Variants in NUP133 observed in about 807,000 individuals in gnomAD.
The protein encoded by NUP133 is nucleoporin 133, also known as nuclear pore complex protein Nup133.
NUP133 carries 66 observed loss-of-function variants against 146.2 expected under a neutral mutation model. The observed-to-expected ratio is 0.45, with a 90% CI of 0.37 to 0.55. The LOEUF (loss-of-function observed/expected upper bound fraction) is 0.55, where lower values mean the gene tolerates loss of function less well. Ranked by LOEUF, NUP133 falls within the 20% of genes least tolerant of loss-of-function variation. The pLI is 0.00. For missense variants in NUP133, 1,277 were observed against 1,374.8 expected (o/e 0.93, Z 1.12); for synonymous variants, 521 against 498.8 (o/e 1.04, Z -0.59).
chr1:229,445,204 C>T (rs1195193094), intron 24 of NUP133, among the ~76,000 whole-genome samples: 1 of 152,086 alleles, frequency 6.6e-6, no homozygotes, highest in Non-Finnish European at 1.5e-5. Flanking sequence ...TAAGACATTA[C>T]ACTCTAGGGA....
intron 24 of NUP133, 114 bp from the exon 25 acceptor site, chr1:229,445,116 G>A (rs982035829): frequency 1.3e-6 from 1 of 743,966 alleles, no homozygotes; most frequent in African/African-American, 1.8e-5. Context: ...GAGAATCTGA[G>A]TTTTGTGATA....
At chr1:229,493,742 A>G (rs1310449610) in intron 8 of NUP133, among the ~76,000 whole-genome samples, 1 of 152,208 alleles carries the variant, frequency 6.6e-6, no homozygotes, top group Non-Finnish European at 1.5e-5. Context: ...GCATGACAAC[A>G]CTGGGGCAGA....
chr1:229,447,719 G>A (rs550218182), intron 24 of NUP133, among the ~76,000 whole-genome samples: 13 of 152,284 alleles, frequency 8.5e-5, no homozygotes, highest in African/African-American at 2.2e-4. Context: ...TAGCTGACAC[G>A]TGGAGGTTCC....
chr1:229,505,937 T>C (rs190311619), intron 2 of NUP133, 103 bp downstream of exon 2: 3 of 674,686 alleles, frequency 4.4e-6, no homozygotes, highest in African/African-American at 3.6e-5. Flanking sequence ...TCTCTCACCA[T>C]TTACGTAAAG....
At chr1:229,476,572 G>C (rs183374217) in intron 13 of NUP133, among the ~76,000 whole-genome samples, 1 of 152,184 alleles carries the variant, frequency 6.6e-6, no homozygotes, top group East Asian at 1.9e-4. Context: ...TGCTCTTAGG[G>C]GAATGGATCA....
chr1:229,496,411 C>T (rs1337398892), intron 6 of NUP133, among the ~76,000 whole-genome samples: 1 of 152,076 alleles, frequency 6.6e-6, no homozygotes, highest in Non-Finnish European at 1.5e-5. Flanking sequence ...GAGGTGGAGG[C>T]TGCAGTGAGC....
chr1:229,495,964 A>C lies in NUP133; in HGVS notation c.903T>G (p.Asp301Glu). 1.2e-6 allele frequency: 2 copies of C among 1,612,212 alleles called. No individual in the cohort carries two copies. Among genetic ancestry groups the C allele is most frequent in the East Asian group, 4.5e-5 (2 of 44,798 alleles). ...AACTGTATGCATGCTTTTCTGAAGAATCATCTAATTCCCATTTACTGATGT... is the reference window on the plus strand; with the variant it reads ...AACTGTATGCATGCTTTTCTGAAGACTCATCTAATTCCCATTTACTGATGT... Reference protein sequence around the residue: ...SSNISKWELDDSSEKHAYSWD... With the variant: ...SSNISKWELDESSEKHAYSWD... The change falls in exon 7 of 26, where the codon GAT (aspartate) becomes GAG (glutamate). Residue 301 changes from aspartate to glutamate, a missense_variant. This residue lies in a region of NUP133 where 952 missense variants were observed against 1,047.0 expected (regional missense o/e 0.91). Transcript: ENST00000261396.
At chr1:229,446,516 C>G (rs534265148) in intron 24 of NUP133, among the ~76,000 whole-genome samples, 15 of 151,898 alleles carry the variant, frequency 9.9e-5, no homozygotes, top group African/African-American at 3.6e-4. Context: ...ACAAAATAGG[C>G]CAGAAGATCG....
At chr1:229,465,759 G>A (rs190766707) in intron 16 of NUP133, among the ~76,000 whole-genome samples, 197 of 151,934 alleles carry the variant, frequency 1.3e-3, no homozygotes, top group African/African-American at 4.4e-3. Context: ...GCATCGTGGC[G>A]TGCACCTACC....
At chr1:229,479,579 G>A (rs1661160253) in intron 12 of NUP133, among the ~76,000 whole-genome samples, 1 of 152,180 alleles carries the variant, frequency 6.6e-6, no homozygotes, top group African/African-American at 2.4e-5. Flanking sequence ...TGACTCCTCT[G>A]TTGTTGCTTT....
At chr1:229,488,149 A>T (rs4925456) in intron 9 of NUP133, among the ~76,000 whole-genome samples, 28,933 of 152,110 alleles carry the variant, frequency 0.19, 2,961 homozygotes, top group Middle Eastern at 0.27. Context: ...CCTGGCCTAA[A>T]TTGTTAATTT....
intron 21 of NUP133, among the ~76,000 whole-genome samples, chr1:229,454,322 CA>C (rs1245618764): frequency 1.4e-4 from 22 of 152,282 alleles, no homozygotes; most frequent in Admixed American, 5.2e-4. Flanking sequence ...ACAGCATTCA[CA>C]GCAAAACAGT....
At chr1:229,496,771 C>G (rs1297268035) in intron 6 of NUP133, among the ~76,000 whole-genome samples, 1 of 152,078 alleles carries the variant, frequency 6.6e-6, no homozygotes, top group Non-Finnish European at 1.5e-5. Context: ...CATTTGAGCT[C>G]AGGAGCTTGA....
At position 229,458,348 on chromosome 1, in the gene NUP133, G is replaced by A. The variant is rs1369499156; in HGVS notation, c.2845-52C>T. ...AAGATACTGAGTACCAATTCAAGCT[G>A]AAACAAAGGTAAGTAAACCCCAAAC... On this transcript the variant is annotated intron_variant, in intron 20 of 25. Transcript: ENST00000261396. 1.9e-6 allele frequency: 3 copies of A among 1,566,568 alleles called. No individual in the cohort carries two copies. In the East Asian group the frequency reaches 6.8e-5, roughly 35 times the overall value.
chr1:229,451,265 G>A (rs1478925775), intron 22 of NUP133, among the ~76,000 whole-genome samples: 1 of 151,874 alleles, frequency 6.6e-6, no homozygotes, highest in Non-Finnish European at 1.5e-5. Flanking sequence ...TGGGTACAGT[G>A]GTGCACACCT....
At chr1:229,474,561 C>A (rs1445720175) in intron 14 of NUP133, among the ~76,000 whole-genome samples, 1 of 152,114 alleles carries the variant, frequency 6.6e-6, no homozygotes, top group South Asian at 2.1e-4. Context: ...TAGTGCTGCA[C>A]TGTCCAATAA....
At chr1:229,492,622 A>C (rs1385747181) in intron 8 of NUP133, among the ~76,000 whole-genome samples, 1 of 151,956 alleles carries the variant, frequency 6.6e-6, no homozygotes, top group Admixed American at 6.6e-5. Flanking sequence ...AAAGGAATTC[A>C]AGAATATTGG....
chr1:229,498,562 A>G (rs1219037574), intron 5 of NUP133, among the ~76,000 whole-genome samples: 3 of 152,138 alleles, frequency 2.0e-5, no homozygotes, highest in Non-Finnish European at 4.4e-5. Flanking sequence ...GCACTTTGGG[A>G]GCCCAAGGCG....
At chr1:229,499,375 C>G (rs1661740862) in intron 5 of NUP133, among the ~76,000 whole-genome samples, 1 of 152,176 alleles carries the variant, frequency 6.6e-6, no homozygotes, top group South Asian at 2.1e-4. Context: ...TCTAACTGTT[C>G]AAATCATAGA....
Sources: allele counts gnomAD v4.1 joint callset (sites outside exome capture counted in the v4.1 genomes callset), GRCh38; gene constraint gnomAD v4.1.1; regional missense constraint gnomAD v4.1.1; transcripts MANE v1.5; gene names NCBI Gene and HGNC (gene_info 2026-07-23, HGNC 2026-07-21).